ESR1: variants seen among roughly 807,000 people sequenced by gnomAD.
ESR1 encodes estrogen receptor 1.
Under a neutral mutation model 52.7 loss-of-function variants are expected in ESR1, and 12 were observed. The ratio of observed to expected loss-of-function variants is 0.23; its 90% CI spans 0.15 to 0.37. The LOEUF is 0.37. ESR1 is among the 10% of genes least tolerant of loss of function. The pLI is 1.00. For missense variants in ESR1, 584 were observed against 779.7 expected (o/e 0.75, Z 2.99); for synonymous variants, 305 against 316.8 (o/e 0.96, Z 0.39).
intron 4 of ESR1, among the ~76,000 whole-genome samples, chr6:151,967,277 G>A (rs2038379713): frequency 6.6e-6 from 1 of 152,060 alleles, no homozygotes; most frequent in African/African-American, 2.4e-5. Flanking sequence ...GTGGTTTGCT[G>A]CACCCACCAA....
chr6:151,934,370 G>A (rs572916645), intron 3 of ESR1, among the ~76,000 whole-genome samples: 1 of 152,168 alleles, frequency 6.6e-6, no homozygotes, highest in South Asian at 2.1e-4. Context: ...ATATGACGTT[G>A]TGAGGATAGG....
intron 2 of ESR1, among the ~76,000 whole-genome samples, chr6:151,767,989 G>A (rs1785203643): frequency 1.3e-5 from 2 of 152,168 alleles, no homozygotes; most frequent in African/African-American, 4.8e-5. Context: ...CTGTACTTCA[G>A]CTGTGTGTCC....
chr6:151,953,962 C>T (rs1487988475), intron 4 of ESR1, among the ~76,000 whole-genome samples: 1 of 152,116 alleles, frequency 6.6e-6, no homozygotes, highest in Non-Finnish European at 1.5e-5. Context: ...CCTAAACTGA[C>T]TGTTGATTTT....
chr6:152,104,498 A>C (rs372203112), downstream of ESR1, among the ~76,000 whole-genome samples: 171 of 152,270 alleles, frequency 1.1e-3, no homozygotes, highest in Middle Eastern at 0.01. Context: ...AGAATGATGG[A>C]TATGTTTAGA....
At chr6:152,067,834 T>G (rs1336068678) in intron 6 of ESR1, among the ~76,000 whole-genome samples, 2 of 152,066 alleles carry the variant, frequency 1.3e-5, no homozygotes, top group African/African-American at 4.8e-5. Flanking sequence ...TCTCAAAAAA[T>G]TTTTAAAACA....
chr6:151,712,375 A>T (rs1171736643), intron 2 of ESR1, among the ~76,000 whole-genome samples: 2 of 152,176 alleles, frequency 1.3e-5, no homozygotes, highest in East Asian at 3.8e-4. Flanking sequence ...TAATTCTATG[A>T]AGAAAGTCAA....
At chr6:152,033,874 G>A (rs1333253797) in intron 5 of ESR1, among the ~76,000 whole-genome samples, 2 of 152,142 alleles carry the variant, frequency 1.3e-5, no homozygotes, top group Admixed American at 6.5e-5. Context: ...ATTCACAATA[G>A]CAAAGACTTG....
chr6:152,091,099 G>A (rs925764113), intron 6 of ESR1, among the ~76,000 whole-genome samples: 12 of 152,196 alleles, frequency 7.9e-5, no homozygotes, highest in African/African-American at 2.9e-4. Context: ...GCCATCCAGG[G>A]TGGGAGAGAC....
chr6:151,812,355 A>C (rs923973891), intron 1 of ESR1, among the ~76,000 whole-genome samples: 39 of 152,198 alleles, frequency 2.6e-4, no homozygotes, highest in Non-Finnish European at 1.8e-4. Context: ...TTTTGTTATA[A>C]ATATAGAATG....
chr6:151,663,886 GA>G (rs1197244286), intron 1 of ESR1, among the ~76,000 whole-genome samples: 1 of 152,198 alleles, frequency 6.6e-6, no homozygotes, highest in African/African-American at 2.4e-5. Flanking sequence ...ATTCAAAAGG[GA>G]ACATTGAGCA....
intron 6 of ESR1, among the ~76,000 whole-genome samples, chr6:152,087,466 C>G (rs1027590388): frequency 1.9e-4 from 29 of 152,134 alleles, no homozygotes; most frequent in African/African-American, 6.8e-4. Context: ...TATAATGGCT[C>G]AAACACCTAG....
At chr6:151,777,019 C>T (rs941667170) in intron 2 of ESR1, among the ~76,000 whole-genome samples, 1 of 151,728 alleles carries the variant, frequency 6.6e-6, no homozygotes, top group Admixed American at 6.6e-5. Flanking sequence ...ATGTGAATGG[C>T]ATCTGAGAAA....
chr6:151,936,402 A>G lies in ESR1; in HGVS notation c.761-7771A>G, dbSNP rs573546734. 1.6e-3 allele frequency among the ~76,000 whole-genome samples: 237 copies of G among 152,264 alleles called. 1 individual carries two copies. Among genetic ancestry groups the G allele is most frequent in the African/African-American group, 5.3e-3 (219 of 41,542 alleles). ...ACTTCCCCACCCTCTAATTTTTCTC[A>G]GTTGGGCTTGAAATTGTTTTTGCTT... On this transcript the variant is annotated intron_variant, in intron 3 of 7. Coordinates refer to ENST00000206249, the MANE Select transcript of ESR1 (RefSeq NM_000125.4).
At chr6:151,848,661 G>T (rs2128245337) in intron 2 of ESR1, among the ~76,000 whole-genome samples, 1 of 152,230 alleles carries the variant, frequency 6.6e-6, no homozygotes, top group Middle Eastern at 3.4e-3. Context: ...AGTGGAGGCT[G>T]CCCGCCCATC....
intron 2 of ESR1, among the ~76,000 whole-genome samples, chr6:151,784,207 T>C (rs116246593): frequency 0.041 from 6,296 of 152,242 alleles, 232 homozygotes; most frequent in African/African-American, 0.1. Flanking sequence ...TTCCCCTCTT[T>C]GAGAGTTGTG....
intron 4 of ESR1, among the ~76,000 whole-genome samples, chr6:152,003,974 G>T (rs1010053692): frequency 1.3e-5 from 2 of 151,900 alleles, no homozygotes; most frequent in Non-Finnish European, 2.9e-5. Flanking sequence ...TTAAAGTAAA[G>T]AACAATTTCT....
At position 151,996,319 on chromosome 6, in the gene ESR1, T is replaced by C. The variant is rs1202987473; in HGVS notation, c.1097-15337T>C. ...CCTTCTCTCAATACACCCTCTGCTT[T>C]AGCCAGGGGGACCTCCCACTGTCCT... On this transcript the variant is annotated intron_variant, in intron 4 of 7. Transcript: ENST00000206249. Among the ~76,000 whole-genome samples the C allele has an allele frequency of 2.0e-5, 3 of 152,140 alleles. No individual in the cohort carries two copies. In the East Asian group the frequency reaches 5.8e-4, roughly 29 times the overall value.
chr6:151,705,559 A>G (rs1780126202), intron 2 of ESR1, among the ~76,000 whole-genome samples: 1 of 152,164 alleles, frequency 6.6e-6, no homozygotes, highest in Non-Finnish European at 1.5e-5. Flanking sequence ...ACTACAATAT[A>G]ATAATATGTG....
chr6:151,996,185 A>G (rs2041467260), intron 4 of ESR1, among the ~76,000 whole-genome samples: 1 of 152,154 alleles, frequency 6.6e-6, no homozygotes, highest in African/African-American at 2.4e-5. Flanking sequence ...TCTGAAGGAC[A>G]GGGACTTCAG....
Sources: gnomAD v4.1 joint callset for allele counts (sites outside exome capture counted in the v4.1 genomes callset) on GRCh38, gnomAD v4.1.1 for gene constraint, MANE v1.5 for transcripts, NCBI Gene and HGNC (gene_info 2026-07-23, HGNC 2026-07-21) for gene names.